NDUFS4: variants seen among roughly 807,000 people sequenced by gnomAD.
The protein encoded by NDUFS4 is NADH dehydrogenase [ubiquinone] iron-sulfur protein 4, mitochondrial.
NDUFS4 carries 28 observed loss-of-function variants against 24.3 expected under a neutral mutation model. That is an observed-to-expected ratio of 1.15 (90% confidence interval 0.85 to 1.58). NDUFS4 has a LOEUF of 1.58. NDUFS4 is among the 40% of genes most tolerant of loss of function. The pLI, the probability that NDUFS4 is intolerant of heterozygous loss-of-function variation, is 0.00. For missense variants in NDUFS4, 223 were observed against 207.9 expected, an observed-to-expected ratio of 1.07 and a Z score of -0.45; for synonymous variants, 93 against 69.7, an observed-to-expected ratio of 1.34 and a Z score of -1.67.
At chr5:53,567,670 C>G (rs1475931801) in intron 1 of NDUFS4, among the ~76,000 whole-genome samples, 1 of 151,912 alleles carries the variant, frequency 6.6e-6, no homozygotes, top group Non-Finnish European at 1.5e-5. Context: ...GTTCTCGTGT[C>G]TGCTTTTTAA....
At chr5:53,604,079 CAG>C (rs1471306270) in intron 2 of NDUFS4, among the ~76,000 whole-genome samples, 1 of 152,144 alleles carries the variant, frequency 6.6e-6, no homozygotes, top group Non-Finnish European at 1.5e-5. Context: ...CAGTAACAAA[CAG>C]AATTTTGGCA....
chr5:53,621,420 A>C (rs1259663192), intron 2 of NDUFS4, among the ~76,000 whole-genome samples: 2 of 151,972 alleles, frequency 1.3e-5, no homozygotes, highest in African/African-American at 4.8e-5. Flanking sequence ...CAAAATATTT[A>C]TTGATATAAT....
intron 2 of NDUFS4, among the ~76,000 whole-genome samples, chr5:53,630,154 G>T (rs958854836): frequency 3.9e-5 from 6 of 152,058 alleles, no homozygotes; most frequent in African/African-American, 1.4e-4. Flanking sequence ...AATTTGGCTG[G>T]GTATGAAATT....
At chr5:53,634,690 A>G (rs1387572299) in intron 2 of NDUFS4, among the ~76,000 whole-genome samples, 1 of 151,804 alleles carries the variant, frequency 6.6e-6, no homozygotes, top group African/African-American at 2.4e-5. Context: ...CTGTGCTCAA[A>G]CAGTTCATTT....
At chr5:53,592,103 G>A (rs939090259) in intron 1 of NDUFS4, among the ~76,000 whole-genome samples, 2 of 151,822 alleles carry the variant, frequency 1.3e-5, no homozygotes. Flanking sequence ...CATGCCTGGC[G>A]AATTTTTTGT....
chr5:53,669,721 G>A (rs890805008), intron 4 of NDUFS4, among the ~76,000 whole-genome samples: 5 of 152,156 alleles, frequency 3.3e-5, no homozygotes, highest in Non-Finnish European at 5.9e-5. Flanking sequence ...CACTCAAACT[G>A]TAATATTTTA....
At chr5:53,636,516 G>A (rs984842164) in intron 2 of NDUFS4, among the ~76,000 whole-genome samples, 1 of 152,142 alleles carries the variant, frequency 6.6e-6, no homozygotes, top group African/African-American at 2.4e-5. Context: ...CTAATAATAG[G>A]TGCACTGTAG....
chr5:53,657,937 A>C (rs934986927), intron 3 of NDUFS4, among the ~76,000 whole-genome samples: 3 of 152,084 alleles, frequency 2.0e-5, no homozygotes, highest in South Asian at 2.1e-4. Flanking sequence ...AAAAAAAAAA[A>C]AAAAAGAATA....
At chr5:53,664,748 G>C (rs535600795) in intron 4 of NDUFS4, among the ~76,000 whole-genome samples, 1 of 151,996 alleles carries the variant, frequency 6.6e-6, no homozygotes, top group Non-Finnish European at 1.5e-5. Context: ...TTTTTTCAAG[G>C]TTTTTAACTT....
At chr5:53,598,847 C>T (rs181411857) in intron 1 of NDUFS4, among the ~76,000 whole-genome samples, 222 of 152,218 alleles carry the variant, frequency 1.5e-3, no homozygotes, top group African/African-American at 4.7e-3. Context: ...ATGGCTTGTA[C>T]GCTTATAATT....
chr5:53,667,192 G>A (rs1042131013), intron 4 of NDUFS4, among the ~76,000 whole-genome samples: 75 of 150,938 alleles, frequency 5.0e-4, no homozygotes, highest in African/African-American at 1.2e-3. Context: ...GAGGCCAGGC[G>A]CGGTGGCTCA....
chr5:53,562,227 A>AT (rs1748872722), intron 1 of NDUFS4, among the ~76,000 whole-genome samples: 1 of 151,900 alleles, frequency 6.6e-6, no homozygotes. Context: ...TGGGTTAAGT[A>AT]TTTTTCTAAG....
chr5:53,600,509 A>T (rs1337352389), intron 1 of NDUFS4, among the ~76,000 whole-genome samples: 1 of 151,918 alleles, frequency 6.6e-6, no homozygotes, highest in Non-Finnish European at 1.5e-5. Flanking sequence ...GGGTTTTGTC[A>T]TGTTGGCCAG....
chr5:53,602,584 T>C (rs1723114434), intron 1 of NDUFS4, among the ~76,000 whole-genome samples: 1 of 152,186 alleles, frequency 6.6e-6, no homozygotes, highest in South Asian at 2.1e-4. Context: ...TTATTGGTTA[T>C]TATGTTGCAT....
At chr5:53,618,092 A>G (rs1037541025) in intron 2 of NDUFS4, among the ~76,000 whole-genome samples, 3 of 151,982 alleles carry the variant, frequency 2.0e-5, no homozygotes, top group Non-Finnish European at 4.4e-5. Context: ...GCCCAGGCAA[A>G]TGGGGAAACC....
chr5:53,578,302 T>TAATATAAGCCAAAAAA (rs1749451147), intron 1 of NDUFS4, among the ~76,000 whole-genome samples: 1 of 152,220 alleles, frequency 6.6e-6, no homozygotes, highest in Non-Finnish European at 1.5e-5. Context: ...TGGTTCTAGA[T>TAATATAAGCCAAAAAA]TTAGTTTTTT....
At chr5:53,676,844 G>A (rs931732384) in intron 4 of NDUFS4, among the ~76,000 whole-genome samples, 1 of 149,580 alleles carries the variant, frequency 6.7e-6, no homozygotes, top group Non-Finnish European at 1.5e-5. Context: ...ATTCATGAAA[G>A]ATTTTTTTTT....
At chr5:53,591,471 G>GGGGT (rs1554054840) in intron 1 of NDUFS4, among the ~76,000 whole-genome samples, 73 of 128,212 alleles carry the variant, frequency 5.7e-4, no homozygotes, top group Non-Finnish European at 8.7e-4. Context: ...TGGGGGGGGG[G>GGGGT]GGTGATAATA....
intron 3 of NDUFS4, among the ~76,000 whole-genome samples, chr5:53,651,415 G>A (rs528558099): frequency 6.6e-6 from 1 of 151,764 alleles, no homozygotes; most frequent in Admixed American, 6.6e-5. Flanking sequence ...ACTTAACTAA[G>A]AAATAAACCT....
Sources: allele counts gnomAD v4.1 joint callset (sites outside exome capture counted in the v4.1 genomes callset), GRCh38; gene constraint gnomAD v4.1.1; transcripts MANE v1.5; gene names NCBI Gene and HGNC (gene_info 2026-07-23, HGNC 2026-07-21).